THSD7B: variants seen among roughly 807,000 people sequenced by gnomAD.
The protein encoded by THSD7B is thrombospondin type-1 domain-containing protein 7B.
In THSD7B, 138 loss-of-function variants were observed where a neutral mutation model predicts 213.6. That is an observed-to-expected ratio of 0.65 (90% CI 0.56 to 0.74). The LOEUF (loss-of-function observed/expected upper bound fraction) is 0.74, where lower values mean the gene tolerates loss of function less well. Among genes scored for constraint, THSD7B ranks in the 30% least tolerant of loss-of-function variants. The pLI is 0.00. For missense variants in THSD7B, 1,931 were observed against 1,991.5 expected (o/e 0.97, Z 0.58); for synonymous variants, 742 against 687.0 (o/e 1.08, Z -1.25).
intron 5 of THSD7B, among the ~76,000 whole-genome samples, chr2:137,126,422 A>G (rs1476644002): frequency 2.6e-5 from 4 of 152,110 alleles, no homozygotes; most frequent in African/African-American, 9.7e-5. Flanking sequence ...AACCTTAGGA[A>G]CCAACCTCTG....
chr2:136,886,111 A>G (rs1262651576), intron 2 of THSD7B, among the ~76,000 whole-genome samples: 1 of 152,146 alleles, frequency 6.6e-6, no homozygotes, highest in African/African-American at 2.4e-5. Flanking sequence ...GCCAGCATGC[A>G]GGAGCAGAGT....
At chr2:137,645,424 G>T (rs1683012401) in intron 21 of THSD7B, among the ~76,000 whole-genome samples, 1 of 152,100 alleles carries the variant, frequency 6.6e-6, no homozygotes, top group Non-Finnish European at 1.5e-5. Context: ...CTATTTTCAG[G>T]CCCTAGTGTG....
chr2:137,000,219 C>T (rs1685975747), intron 2 of THSD7B, among the ~76,000 whole-genome samples: 1 of 152,126 alleles, frequency 6.6e-6, no homozygotes, highest in Non-Finnish European at 1.5e-5. Flanking sequence ...TGAGTCCCTC[C>T]TCCTTCACCA....
chr2:137,178,291 G>A lies in THSD7B; in HGVS notation c.1723+7353G>A, dbSNP rs139464009. 5.3e-5 allele frequency among the ~76,000 whole-genome samples: 8 copies of A among 152,060 alleles called. No homozygotes were observed. The East Asian group carries it at 7.7e-4, about 15-fold the overall frequency. On this transcript the variant is annotated intron_variant, in intron 7 of 27. Coordinates refer to ENST00000409968, the MANE Select transcript of THSD7B (RefSeq NM_001316349.2). ...CAGGAACAGAAGACACGCAATATGT[G>A]AGATGAGTTATTTAGGTTTAGAGGA... is the stretch of plus-strand genomic sequence containing the variant.
At chr2:137,673,500 G>C (rs1383240900) in intron 27 of THSD7B, among the ~76,000 whole-genome samples, 2 of 152,194 alleles carry the variant, frequency 1.3e-5, no homozygotes, top group African/African-American at 2.4e-5. Context: ...CTGATTTAGT[G>C]AGTGAGGGAG....
intron 15 of THSD7B, among the ~76,000 whole-genome samples, chr2:137,557,798 CA>C (rs1484376938): frequency 2.0e-5 from 3 of 152,040 alleles, no homozygotes; most frequent in African/African-American, 7.2e-5. Flanking sequence ...AAAAGATCAA[CA>C]AAATTGATAG....
intron 10 of THSD7B, among the ~76,000 whole-genome samples, chr2:137,269,407 A>G (rs996772412): frequency 1.3e-5 from 2 of 152,214 alleles, no homozygotes; most frequent in Non-Finnish European, 2.9e-5. Context: ...ACGTGTGTGC[A>G]TGTGCATGTT....
chr2:136,773,769 G>A (rs79949100), intron 1 of THSD7B, among the ~76,000 whole-genome samples: 72 of 151,894 alleles, frequency 4.7e-4, no homozygotes, highest in African/African-American at 1.6e-3. Context: ...TCCTTTTAAC[G>A]GTACATACCA....
At chr2:136,967,801 GA>G (rs1430338272) in intron 2 of THSD7B, among the ~76,000 whole-genome samples, 1 of 151,934 alleles carries the variant, frequency 6.6e-6, no homozygotes, top group Non-Finnish European at 1.5e-5. Flanking sequence ...CTTTTCTTTG[GA>G]GTTACCACTG....
chr2:137,570,246 G>A (rs1681326233), intron 16 of THSD7B, among the ~76,000 whole-genome samples: 1 of 151,482 alleles, frequency 6.6e-6, no homozygotes, highest in Non-Finnish European at 1.5e-5. Context: ...TTTTCAGTAT[G>A]TGATTAGCTA....
chr2:137,276,259 T>C (rs778925258), intron 12 of THSD7B, among the ~76,000 whole-genome samples: 9 of 152,054 alleles, frequency 5.9e-5, no homozygotes, highest in Non-Finnish European at 1.2e-4. Context: ...TAAGCAAATA[T>C]CTGTTCTCGG....
chr2:136,818,841 T>C (rs1682525316), intron 1 of THSD7B, among the ~76,000 whole-genome samples: 1 of 152,134 alleles, frequency 6.6e-6, no homozygotes, highest in Admixed American at 6.6e-5. Context: ...GGACTGGATT[T>C]GGTGGCTTAT....
At chr2:137,507,462 GC>G (rs1679861913) in intron 15 of THSD7B, among the ~76,000 whole-genome samples, 1 of 152,174 alleles carries the variant, frequency 6.6e-6, no homozygotes, top group African/African-American at 2.4e-5. Context: ...CAGATTCAGA[GC>G]TGTCCTGTGA....
In THSD7B at chr2:137,162,980, C is replaced by T. The variant is rs770099110; in HGVS notation, c.1525+2612C>T. On this transcript the variant is annotated intron_variant, in intron 6 of 27. Transcript: ENST00000409968. Reference sequence around the variant, plus strand: ...TCTCCATGTTGATCAGGCTGGTTGCCCTAATTCTGTGTTGTGTTTTTTTGT... The same window carrying T: ...TCTCCATGTTGATCAGGCTGGTTGCTCTAATTCTGTGTTGTGTTTTTTTGT... 2.5e-4 allele frequency among the ~76,000 whole-genome samples: 38 copies of T among 152,034 alleles called. No individual in the cohort carries two copies. In the Middle Eastern group the frequency reaches 0.014, roughly 54 times the overall value.
intron 2 of THSD7B, among the ~76,000 whole-genome samples, chr2:136,967,104 G>T (rs1337166876): frequency 6.6e-6 from 1 of 152,116 alleles, no homozygotes; most frequent in African/African-American, 2.4e-5. Flanking sequence ...GCTCAGCATG[G>T]TATCCTGCAG....
At position 137,012,061 on chromosome 2, in the gene THSD7B, A is replaced by G. The variant is rs201825567; in HGVS notation, c.140-44359A>G. ...ATCCTATTCACAAAAATTCCACTAA[A>G]AACCCCATCCTCAATCAGGCAAAGT... is the stretch of plus-strand genomic sequence containing the variant. On this transcript the variant is annotated intron_variant, in intron 2 of 27. Coordinates refer to ENST00000409968, the MANE Select transcript of THSD7B (RefSeq NM_001316349.2). Among the ~76,000 whole-genome samples, 4 of 152,302 alleles carry G rather than the reference A, an allele frequency of 2.6e-5. No individual in the cohort carries two copies. In the East Asian group the frequency reaches 7.7e-4, roughly 29 times the overall value.
At chr2:137,126,273 A>G (rs761898755) in intron 5 of THSD7B, among the ~76,000 whole-genome samples, 4 of 152,198 alleles carry the variant, frequency 2.6e-5, no homozygotes, top group Non-Finnish European at 4.4e-5. Flanking sequence ...TGTTTCGTCT[A>G]CATTAAGAAT....
chr2:136,767,260 T>C (rs1298795059), intron 1 of THSD7B, among the ~76,000 whole-genome samples: 1 of 152,168 alleles, frequency 6.6e-6, no homozygotes, highest in African/African-American at 2.4e-5. Context: ...AAAGCTCGTG[T>C]CTTTGTGGGT....
At chr2:137,635,337 G>C (rs1446060374) in intron 20 of THSD7B, among the ~76,000 whole-genome samples, 1 of 152,132 alleles carries the variant, frequency 6.6e-6, no homozygotes, top group Non-Finnish European at 1.5e-5. Context: ...CATGTCTCAT[G>C]CAGTTATTGA....
Sources: gnomAD v4.1 joint callset for allele counts (sites outside exome capture counted in the v4.1 genomes callset) on GRCh38, gnomAD v4.1.1 for gene constraint, MANE v1.5 for transcripts, NCBI Gene and HGNC (gene_info 2026-07-23, HGNC 2026-07-21) for gene names.